DCHS2: variants seen among roughly 807,000 people sequenced by gnomAD.
DCHS2 encodes the protein dachsous cadherin-related 2, also known as protocadherin-23.
In DCHS2, 142 loss-of-function variants were observed where a neutral mutation model predicts 182.4. The observed-to-expected ratio is 0.78, with a 90% confidence interval of 0.68 to 0.89. DCHS2 has a LOEUF of 0.89. Ranked by LOEUF, DCHS2 falls within the 40% of genes least tolerant of loss-of-function variation. DCHS2 has a pLI of 0.00. For missense variants in DCHS2, 4,319 were observed against 4,198.6 expected (o/e 1.03, Z -0.79); for synonymous variants, 1,740 against 1,663.3 (o/e 1.05, Z -1.12).
At chr4:154,430,289 C>A in intron 1 of DCHS2, among the ~76,000 whole-genome samples, 1 of 152,170 alleles carries the variant, frequency 6.6e-6, no homozygotes, top group East Asian at 1.9e-4. Flanking sequence ...TACCCTACAG[C>A]CATGAAAAGT....
At chr4:154,408,558 C>T (rs1732493680) in intron 1 of DCHS2, among the ~76,000 whole-genome samples, 1 of 151,952 alleles carries the variant, frequency 6.6e-6, no homozygotes, top group Admixed American at 6.6e-5. Context: ...AGGTCAAATG[C>T]AATAAAGCAA....
At chr4:154,249,505 G>A (rs1732246306) in intron 16 of DCHS2, among the ~76,000 whole-genome samples, 1 of 152,286 alleles carries the variant, frequency 6.6e-6, no homozygotes, top group South Asian at 2.1e-4. Flanking sequence ...GTGGAAAGCA[G>A]TTTGGAGATT....
intron 13 of DCHS2, among the ~76,000 whole-genome samples, chr4:154,286,700 T>A (rs1345040639): frequency 6.6e-6 from 1 of 151,750 alleles, no homozygotes; most frequent in African/African-American, 2.4e-5. Flanking sequence ...AGAAAGCACA[T>A]CTACAAGATC....
intron 3 of DCHS2, chr4:154,357,212 C>T (rs1729912550): frequency 1.3e-6 from 2 of 1,585,486 alleles, no homozygotes; most frequent in African/African-American, 2.7e-5. Context: ...AGAAGGCTAA[C>T]CTCTACTTGA....
chr4:154,371,377 T>C (rs1457604326), intron 2 of DCHS2, among the ~76,000 whole-genome samples: 1 of 152,068 alleles, frequency 6.6e-6, no homozygotes, highest in Admixed American at 6.6e-5. Context: ...ATGGGCTTCC[T>C]TGTGAGAGTG....
rs367885409 is a variant in DCHS2 at position 154,236,172 on chromosome 4, A to G, written c.8480T>C (p.Ile2827Thr). ...ATGAATATCCCCTGTCAAAGGGTCAATGAGGAAGAGATCATGATCATAAGA... is the reference window on the plus strand; with the variant it reads ...ATGAATATCCCCTGTCAAAGGGTCAGTGAGGAAGAGATCATGATCATAAGA... Reference protein sequence around the residue: ...GMSYDHDLFLIDPLTGDIHAK... With the variant: ...GMSYDHDLFLTDPLTGDIHAK... The change falls in exon 20 of 20, where the codon ATT (isoleucine) becomes ACT (threonine). Residue 2827 changes from isoleucine to threonine, a missense_variant. Transcript: ENST00000357232. 31 of 1,613,892 alleles carry G rather than the reference A, an allele frequency of 1.9e-5. No homozygotes were observed. Among genetic ancestry groups the G allele is most frequent in the Non-Finnish European group, 2.4e-5 (28 of 1,179,958 alleles).
chr4:154,434,870 C>T (rs1269952727), intron 1 of DCHS2, among the ~76,000 whole-genome samples: 2 of 152,158 alleles, frequency 1.3e-5, no homozygotes, highest in Non-Finnish European at 2.9e-5. Flanking sequence ...TACAAAATAC[C>T]TGATGAGTAA....
chr4:154,409,643 C>T (rs1377260587), intron 1 of DCHS2, among the ~76,000 whole-genome samples: 1 of 152,136 alleles, frequency 6.6e-6, no homozygotes. Flanking sequence ...ACAATAGGCT[C>T]ATAAGCTCCT....
intron 3 of DCHS2, among the ~76,000 whole-genome samples, chr4:154,335,702 T>C (rs1728770159): frequency 6.6e-6 from 1 of 152,166 alleles, no homozygotes; most frequent in Non-Finnish European, 1.5e-5. Context: ...TACATCCTGT[T>C]GGGTCTGTTC....
chr4:154,390,157 C>T (rs1296407814), intron 1 of DCHS2, among the ~76,000 whole-genome samples: 4 of 148,928 alleles, frequency 2.7e-5, no homozygotes, highest in Admixed American at 6.7e-5. Flanking sequence ...GGTACATGTG[C>T]ACATTGTGCA....
chr4:154,242,806 A>G, intron 16 of DCHS2, 34 bp from the exon 17 acceptor site: 1 of 1,578,882 alleles, frequency 6.3e-7, no homozygotes, highest in East Asian at 2.3e-5. Flanking sequence ...AATGTGATTC[A>G]TCATCCAGGA....
intron 1 of DCHS2, among the ~76,000 whole-genome samples, chr4:154,383,842 T>C (rs1253342383): frequency 6.6e-6 from 1 of 151,496 alleles, no homozygotes; most frequent in African/African-American, 2.4e-5. Context: ...AATAAAAACG[T>C]CTCAGAGCCC....
At chr4:154,416,476 C>T (rs1732837489) in intron 1 of DCHS2, among the ~76,000 whole-genome samples, 1 of 152,208 alleles carries the variant, frequency 6.6e-6, no homozygotes, top group South Asian at 2.1e-4. Flanking sequence ...CGTCTTCCTT[C>T]TGTTATTAAA....
intron 1 of DCHS2, among the ~76,000 whole-genome samples, chr4:154,452,319 A>C (rs2110978854): frequency 6.6e-6 from 1 of 152,328 alleles, no homozygotes; most frequent in East Asian, 1.9e-4. Context: ...TTAACTTGTC[A>C]ATTTAGCACC....
At chr4:154,379,943 G>C (rs1731093568) in intron 1 of DCHS2, among the ~76,000 whole-genome samples, 5 of 152,090 alleles carry the variant, frequency 3.3e-5, no homozygotes, top group Admixed American at 3.3e-4. Context: ...AGTATGTCTA[G>C]AGACACTTTT....
chr4:154,337,844 G>A (rs185995005), intron 3 of DCHS2, among the ~76,000 whole-genome samples: 18 of 152,068 alleles, frequency 1.2e-4, no homozygotes, highest in Admixed American at 3.9e-4. Context: ...GGGTTCAAGC[G>A]ATTCTTCTGC....
intron 1 of DCHS2, among the ~76,000 whole-genome samples, chr4:154,458,525 G>C (rs1385109024): frequency 6.6e-6 from 1 of 151,754 alleles, no homozygotes; most frequent in African/African-American, 2.4e-5. Context: ...GTTAAAAAGG[G>C]AATGATTGTC....
At chr4:154,401,581 C>A (rs768853294) in intron 1 of DCHS2, among the ~76,000 whole-genome samples, 1 of 152,198 alleles carries the variant, frequency 6.6e-6, no homozygotes, top group Non-Finnish European at 1.5e-5. Flanking sequence ...TTTTGATGAG[C>A]AAATTTTTTA....
intron 13 of DCHS2, among the ~76,000 whole-genome samples, chr4:154,274,750 T>C (rs146322033): frequency 6.6e-6 from 1 of 152,260 alleles, no homozygotes; most frequent in African/African-American, 2.4e-5. Flanking sequence ...ACATTTTCTA[T>C]TGTGAGAGAT....
Sources: allele counts gnomAD v4.1 joint callset (sites outside exome capture counted in the v4.1 genomes callset), GRCh38; gene constraint gnomAD v4.1.1; transcripts MANE v1.5; gene names NCBI Gene and HGNC (gene_info 2026-07-23, HGNC 2026-07-21).